The following TLN2 variants were observed in gnomAD, a reference collection of about 807,000 sequenced individuals.
The protein encoded by TLN2 is talin-2.
Under a neutral mutation model 294.7 loss-of-function variants are expected in TLN2, and 118 were observed. The observed-to-expected ratio is 0.40, with a 90% CI of 0.34 to 0.47. The LOEUF (loss-of-function observed/expected upper bound fraction) is 0.47, where lower values mean the gene tolerates loss of function less well. Ranked by LOEUF, TLN2 falls within the 20% of genes least tolerant of loss-of-function variation. The pLI is 0.84. For synonymous variants in TLN2, 1,431 were observed against 1,304.5 expected (o/e 1.10, Z -2.09); for missense variants, 3,083 against 3,282.2 (o/e 0.94, Z 1.48).
chr15:62,600,101 T>C (rs1231822595), intron 2 of TLN2, among the ~76,000 whole-genome samples: 1 of 152,288 alleles, frequency 6.6e-6, no homozygotes, highest in East Asian at 1.9e-4. Flanking sequence ...GCTGAGTTGA[T>C]GTGAGTTTTT....
At position 62,703,643 on chromosome 15, in the gene TLN2, A is replaced by ACG. The variant is rs1280768475; in HGVS notation, c.2004+780_2004+781insGC. Among the ~76,000 whole-genome samples, 467 of 144,428 alleles carry ACG rather than the reference A, an allele frequency of 3.2e-3. 3 individuals carry two copies. Among genetic ancestry groups the ACG allele is most frequent in the African/African-American group, 0.012 (450 of 38,802 alleles). 94.8% of individuals were successfully genotyped at this position (144,428 alleles called of 152,430 possible). Reference sequence around the variant, plus strand: ...CACACGCGCGCACACACACACACACACACACACAGAGAAAGAGAGAGAGAA... The same window carrying ACG: ...CACACGCGCGCACACACACACACACACGCACACACAGAGAAAGAGAGAGAGAA... On this transcript the variant is annotated intron_variant, in intron 19 of 58. Transcript: ENST00000636159.
chr15:62,731,331 C>A (rs1050517631), intron 28 of TLN2, among the ~76,000 whole-genome samples: 1 of 150,942 alleles, frequency 6.6e-6, no homozygotes, highest in Non-Finnish European at 1.5e-5. Flanking sequence ...GTTTTGTCTC[C>A]TGGTGTTTTC....
In TLN2 at chr15:62,607,643, C is replaced by T. The variant is rs80304664; in HGVS notation, c.-161-10708C>T. 7.4e-3 allele frequency among the ~76,000 whole-genome samples: 1,119 copies of T among 152,216 alleles called. 14 individuals carry two copies. The highest frequency in any genetic ancestry group is 0.025 in the African/African-American group (1,043 of 41,508). On this transcript the variant is annotated intron_variant, in intron 2 of 58. Coordinates refer to ENST00000636159, the MANE Select transcript of TLN2 (RefSeq NM_015059.3). ...CCAAGTGAGTTTCTGTAGAAGGGGC[C>T]CTTTTGGTTTTTAGCTGTGATTTTG... is the stretch of plus-strand genomic sequence containing the variant.
intron 1 of TLN2, among the ~76,000 whole-genome samples, chr15:62,502,583 C>T (rs765204917): frequency 8.5e-5 from 13 of 152,160 alleles, no homozygotes; most frequent in Non-Finnish European, 1.6e-4. Flanking sequence ...CAGAAATCAT[C>T]TGTACTCTTG....
chr15:62,741,748 C>CGTGTGTGTGTGT (rs1555495658), intron 32 of TLN2, among the ~76,000 whole-genome samples: 4 of 131,072 alleles, frequency 3.1e-5, no homozygotes, highest in African/African-American at 1.2e-4. Flanking sequence ...AAAATTTGCG[C>CGTGTGTGTGTGT]GTGTGTGTGT....
At chr15:62,576,630 C>T (rs1258932752) in intron 1 of TLN2, among the ~76,000 whole-genome samples, 1 of 130,044 alleles carries the variant, frequency 7.7e-6, no homozygotes, top group Non-Finnish European at 1.6e-5. Context: ...TTTTAAGAGA[C>T]TGGAGGGGAA....
intron 33 of TLN2, 130 bp downstream of exon 33, chr15:62,748,574 C>G (rs756206265): frequency 1.4e-6 from 1 of 738,162 alleles, no homozygotes; most frequent in Non-Finnish European, 2.2e-6. Context: ...TCTGTCCTTG[C>G]CTTTTATCTT....
At chr15:62,696,727 A>T (rs1567381318) in intron 14 of TLN2, among the ~76,000 whole-genome samples, 1 of 152,184 alleles carries the variant, frequency 6.6e-6, no homozygotes, top group African/African-American at 2.4e-5. Flanking sequence ...AAATTTTAAA[A>T]AATGCAATTT....
intron 1 of TLN2, among the ~76,000 whole-genome samples, chr15:62,393,728 A>T (rs2032295872): frequency 6.6e-6 from 1 of 152,120 alleles, no homozygotes; most frequent in South Asian, 2.1e-4. Flanking sequence ...TAAAAAAGAG[A>T]AGCTTTATTG....
chr15:62,797,891 A>G (rs2065623950), intron 48 of TLN2, among the ~76,000 whole-genome samples: 1 of 152,184 alleles, frequency 6.6e-6, no homozygotes. Flanking sequence ...GACTGCAACC[A>G]CACGAGAGGA....
intron 1 of TLN2, among the ~76,000 whole-genome samples, chr15:62,466,080 TG>T (rs1406428628): frequency 1.3e-5 from 2 of 152,080 alleles, no homozygotes; most frequent in African/African-American, 4.8e-5. Flanking sequence ...TGGTGGGAAA[TG>T]CCCCCTGATC....
In TLN2 at chr15:62,826,249, C is replaced by T. The variant is rs532810574; in HGVS notation, c.7002+5639C>T. 2.6e-5 allele frequency among the ~76,000 whole-genome samples: 4 copies of T among 152,208 alleles called. No homozygotes were observed. The East Asian group carries it at 5.8e-4, about 22-fold the overall frequency. On this transcript the variant is annotated intron_variant, in intron 54 of 58. Transcript: ENST00000636159. ...AGTGATTAAAAGATTATTTCAGTGG[C>T]GTTGCTTTCCATTTTGAACACAAAA...
intron 1 of TLN2, among the ~76,000 whole-genome samples, chr15:62,531,031 G>T (rs1226438065): frequency 6.6e-6 from 1 of 151,976 alleles, no homozygotes; most frequent in Admixed American, 6.6e-5. Flanking sequence ...AGTATGTATT[G>T]CCATTCAGAT....
chr15:62,701,400 A>T (rs572632052), intron 17 of TLN2, among the ~76,000 whole-genome samples, 186 bp downstream of exon 17: 6 of 152,280 alleles, frequency 3.9e-5, no homozygotes, highest in African/African-American at 1.4e-4. Context: ...GGGAAGGAAC[A>T]TCTCATTGCT....
intron 1 of TLN2, among the ~76,000 whole-genome samples, chr15:62,546,067 A>G (rs1307376358): frequency 6.6e-6 from 1 of 152,162 alleles, no homozygotes. Context: ...AAGTGGGAGC[A>G]GCTGTTTCTG....
chr15:62,449,981 C>T (rs183769473), intron 1 of TLN2, among the ~76,000 whole-genome samples: 2 of 152,130 alleles, frequency 1.3e-5, no homozygotes, highest in Non-Finnish European at 1.5e-5. Flanking sequence ...AATTTGGGCT[C>T]CTGGTGGAAT....
chr15:62,405,579 G>A (rs1046959417), intron 1 of TLN2, among the ~76,000 whole-genome samples: 2 of 152,180 alleles, frequency 1.3e-5, no homozygotes, highest in Non-Finnish European at 2.9e-5. Flanking sequence ...GTCCTACTTA[G>A]GTGAGAATGA....
chr15:62,663,972 A>G (rs2054218537), intron 9 of TLN2, among the ~76,000 whole-genome samples: 1 of 152,032 alleles, frequency 6.6e-6, no homozygotes, highest in East Asian at 1.9e-4. Context: ...CAAGAATGGT[A>G]AAGACTAATT....
chr15:62,597,245 T>A (rs893353678), intron 2 of TLN2, among the ~76,000 whole-genome samples: 1 of 152,192 alleles, frequency 6.6e-6, no homozygotes, highest in Admixed American at 6.5e-5. Flanking sequence ...ATTCTGTTCT[T>A]CAATCTCACT....
Sources: allele counts gnomAD v4.1 joint callset (sites outside exome capture counted in the v4.1 genomes callset), GRCh38; gene constraint gnomAD v4.1.1; transcripts MANE v1.5; gene names NCBI Gene and HGNC (gene_info 2026-07-23, HGNC 2026-07-21).